DNAH5: variants seen among roughly 807,000 people sequenced by gnomAD.
DNAH5 encodes dynein axonemal heavy chain 5.
A neutral mutation model predicts 518.2 loss-of-function variants in DNAH5; 372 were observed. That is an observed-to-expected ratio of 0.72 (90% CI 0.66 to 0.78). The LOEUF (loss-of-function observed/expected upper bound fraction) is 0.78. DNAH5 is among the 30% of genes least tolerant of loss of function. DNAH5 has a pLI of 0.00. For synonymous variants in DNAH5, 2,039 were observed against 2,025.9 expected (o/e 1.01, Z -0.17); for missense variants, 5,523 against 5,687.0 (o/e 0.97, Z 0.93).
chr5:13,867,338 C>T (rs1769400002), intron 25 of DNAH5, among the ~76,000 whole-genome samples: 1 of 152,074 alleles, frequency 6.6e-6, no homozygotes, highest in Non-Finnish European at 1.5e-5. Flanking sequence ...GCGGTTTTCC[C>T]CATGCTGTTC....
chr5:13,769,448 T>C (rs1580142917), intron 57 of DNAH5, 53 bp downstream of exon 57: 2 of 1,414,690 alleles, frequency 1.4e-6, no homozygotes, highest in Non-Finnish European at 1.0e-6. Flanking sequence ...TCATTAACAC[T>C]TGTGAACTGA....
chr5:13,690,744 CCA>C lies in DNAH5; in HGVS notation c.*1238_*1239del. The C allele has an allele frequency of 6.6e-6, 1 of 152,278 alleles. No individual in the cohort carries two copies. The highest frequency in any genetic ancestry group is 1.5e-5 in the Non-Finnish European group (1 of 68,020). 9.4% of individuals were successfully genotyped at this position (152,278 alleles called of 1,614,324 possible). On this transcript the variant is annotated 3_prime_UTR_variant, in exon 79 of 79. Transcript: ENST00000265104. ...ATGAAGAATTATTAATAACATCTAA[CCA>C]GAATTTAAAGAAAAATACGTGAAAA...
chr5:14,010,133 C>T (rs1785011070), intron 1 of DNAH5, among the ~76,000 whole-genome samples: 1 of 151,988 alleles, frequency 6.6e-6, no homozygotes, highest in Non-Finnish European at 1.5e-5. Context: ...ACTTTTTTCA[C>T]TCATTAATTG....
intron 47 of DNAH5, among the ~76,000 whole-genome samples, chr5:13,796,416 A>G (rs1757830246): frequency 6.6e-6 from 1 of 152,220 alleles, no homozygotes; most frequent in Non-Finnish European, 1.5e-5. Context: ...ACAGACAAAC[A>G]GAGAGCCAAA....
chr5:13,801,211 C>T (rs1409396813), intron 47 of DNAH5, among the ~76,000 whole-genome samples: 2 of 152,096 alleles, frequency 1.3e-5, no homozygotes, highest in African/African-American at 4.8e-5. Flanking sequence ...GCACTATCCC[C>T]CCAGTGCTGT....
chr5:13,945,852 C>A (rs571854229), upstream of DNAH5, among the ~76,000 whole-genome samples: 1 of 152,312 alleles, frequency 6.6e-6, no homozygotes, highest in South Asian at 2.1e-4. Context: ...CAATTGCCCA[C>A]CTCGGCCTCC....
rs749170075 is a variant in DNAH5 at position 13,783,731 on chromosome 5, G to A, written c.8820+2448C>T. On this transcript the variant is annotated intron_variant, in intron 52 of 78. Transcript: ENST00000265104. ...AGAAAGGAACTAAGAAATAGGCTTG[G>A]TCTCATATCATATCCTGTTTTGCTG... 1.4e-3 allele frequency among the ~76,000 whole-genome samples: 217 copies of A among 152,280 alleles called. 2 individuals carry two copies. The highest frequency in any genetic ancestry group is 2.7e-3 in the Non-Finnish European group (186 of 68,020).
intron 70 of DNAH5, among the ~76,000 whole-genome samples, 153 bp from the exon 71 acceptor site, chr5:13,721,398 T>G (rs1234978402): frequency 6.6e-6 from 1 of 152,200 alleles, no homozygotes; most frequent in Non-Finnish European, 1.5e-5. Context: ...TTTTCATATT[T>G]GTTTGTTTAT....
rs897145432 is a variant in DNAH5, at chr5:13,850,662, A to G, written c.5104T>C (p.Ser1702Pro). 6.2e-7 allele frequency: 1 copy of G among 1,613,754 alleles called. No individual in the cohort carries two copies. The highest frequency in any genetic ancestry group is 1.3e-5 in the African/African-American group (1 of 74,884). Residue 1702 changes from serine (S) to proline (P), a missense_variant, in exon 31 of 79, where the codon TCC becomes CCC. By Grantham distance (74) the Ser-to-Pro change is moderately conservative. Around this residue, in one of 3 missense-constraint regions of DNAH5, gnomAD observed 5,121 missense variants for 5,223.3 expected, o/e 0.98. Transcript: ENST00000265104. ...AGCCAGTGAACTTACCCAGTAAGGGATTTCTGGCATATTTCCAACTGGTCC... is the reference window on the plus strand; with the variant it reads ...AGCCAGTGAACTTACCCAGTAAGGGGTTTCTGGCATATTTCCAACTGGTCC... ...LLDQLEICQK[S>P]LTGYLEKKRL...
chr5:13,932,841 T>C (rs954084619), intron 1 of DNAH5, among the ~76,000 whole-genome samples: 1 of 152,192 alleles, frequency 6.6e-6, no homozygotes, highest in Non-Finnish European at 1.5e-5. Context: ...TGTGTAAGAT[T>C]TTGAGGTGAC....
intron 43 of DNAH5, among the ~76,000 whole-genome samples, chr5:13,813,378 T>C (rs1348896656): frequency 2.0e-5 from 3 of 151,090 alleles, no homozygotes; most frequent in Non-Finnish European, 4.4e-5. Context: ...ATCATATATA[T>C]ACATTTTCAC....
intron 68 of DNAH5, among the ~76,000 whole-genome samples, chr5:13,734,374 AT>A (rs992425144): frequency 6.6e-6 from 1 of 152,060 alleles, no homozygotes; most frequent in African/African-American, 2.4e-5. Flanking sequence ...TACTTCAAAT[AT>A]TTTTTTCAAG....
intron 1 of DNAH5, among the ~76,000 whole-genome samples, chr5:13,968,992 A>T (rs1380335246): frequency 6.6e-6 from 1 of 151,892 alleles, no homozygotes; most frequent in Non-Finnish European, 1.5e-5. Flanking sequence ...TTTCTATCTC[A>T]CTGCTTGTTA....
chr5:13,843,129 T>A (rs1250092995), intron 32 of DNAH5, among the ~76,000 whole-genome samples: 25 of 152,212 alleles, frequency 1.6e-4, no homozygotes, highest in Admixed American at 1.6e-3. Context: ...CATTGATTTT[T>A]GAACCATTAA....
chr5:13,871,674 C>T lies in DNAH5; in HGVS notation c.3488G>A (p.Ser1163Asn), dbSNP rs1432617106. The change falls in exon 23 of 79, where the codon AGC becomes AAC. Residue 1163 changes from serine to asparagine, a missense_variant. Transcript: ENST00000265104. ...EEAIKTFITQ[S>N]PLLSEFESQI... The stretch of plus-strand genomic sequence containing the variant: ...GGACTCAAATTCAGAAAGCAAGGGG[C>T]TCTGTGTAATAAATGTCTTAATGGC... The T allele has an allele frequency of 6.2e-7, 1 of 1,613,770 alleles. No homozygotes were observed. Among genetic ancestry groups the T allele is most frequent in the Non-Finnish European group, 8.5e-7 (1 of 1,179,772 alleles).
At chr5:13,905,817 A>G (rs1580829098) in intron 12 of DNAH5, among the ~76,000 whole-genome samples, 1 of 152,220 alleles carries the variant, frequency 6.6e-6, no homozygotes, top group Non-Finnish European at 1.5e-5. Flanking sequence ...AGAAAAATCT[A>G]CACACCGATG....
rs1747018500 is a variant in DNAH5 at position 13,734,187 on chromosome 5, G to A, written c.11761+944C>T. Among the ~76,000 whole-genome samples, 3 of 152,152 alleles carry A rather than the reference G, an allele frequency of 2.0e-5. No individual in the cohort carries two copies. The South Asian group carries it at 6.2e-4, about 32-fold the overall frequency. ...TCTTCTCTGCTCCCCAGCATGTGAA[G>A]ATGCAATGAGAAGACAGTTGTCTAC... is the stretch of plus-strand genomic sequence containing the variant. On this transcript the variant is annotated intron_variant, in intron 68 of 78. Coordinates refer to ENST00000265104, the MANE Select transcript of DNAH5 (RefSeq NM_001369.3).
chr5:13,802,156 G>A (rs1194024325), intron 47 of DNAH5, among the ~76,000 whole-genome samples: 6 of 152,106 alleles, frequency 3.9e-5, no homozygotes, highest in African/African-American at 1.2e-4. Flanking sequence ...CTCTGAAATT[G>A]GGGAATCGTA....
At chr5:13,993,343 A>G (rs2046594753) in intron 1 of DNAH5, among the ~76,000 whole-genome samples, 2 of 152,188 alleles carry the variant, frequency 1.3e-5, no homozygotes, top group Non-Finnish European at 2.9e-5. Flanking sequence ...ACATATTTTA[A>G]AGATAAATGG....
Sources: allele counts gnomAD v4.1 joint callset (sites outside exome capture counted in the v4.1 genomes callset), GRCh38; gene constraint gnomAD v4.1.1; regional missense constraint gnomAD v4.1.1; transcripts MANE v1.5; gene names NCBI Gene and HGNC (gene_info 2026-07-23, HGNC 2026-07-21).